The following CDH18 variants were observed in gnomAD, a reference collection of about 807,000 sequenced individuals.
The protein encoded by CDH18 is cadherin 18.
Under a neutral mutation model 67.9 loss-of-function variants are expected in CDH18, and 31 were observed. The ratio of observed to expected loss-of-function variants is 0.46; its 90% CI spans 0.34 to 0.62. CDH18 has a LOEUF of 0.62. Ranked by LOEUF, CDH18 falls within the 20% of genes least tolerant of loss-of-function variation. The pLI, the probability that CDH18 is intolerant of heterozygous loss-of-function variation, is 0.01. For synonymous variants in CDH18, 362 were observed against 347.2 expected, an observed-to-expected ratio of 1.04 and a Z score of -0.48; for missense variants, 890 against 975.5, an observed-to-expected ratio of 0.91 and a Z score of 1.17.
At chr5:20,229,371 C>G (rs917494732) in intron 2 of CDH18, among the ~76,000 whole-genome samples, 1 of 151,906 alleles carries the variant, frequency 6.6e-6, no homozygotes, top group Non-Finnish European at 1.5e-5. Context: ...ATTCTACATC[C>G]CCAAACAAAG....
chr5:19,810,700 T>C (rs1196074139), intron 3 of CDH18, among the ~76,000 whole-genome samples: 5 of 152,096 alleles, frequency 3.3e-5, no homozygotes, highest in Non-Finnish European at 7.4e-5. Flanking sequence ...TGATATTAGA[T>C]TGCCTTGGGC....
chr5:19,576,132 C>T (rs902850102), intron 7 of CDH18, among the ~76,000 whole-genome samples: 5 of 151,848 alleles, frequency 3.3e-5, no homozygotes, highest in Non-Finnish European at 7.4e-5. Context: ...AGACCTAAAA[C>T]GATAAATCTA....
intron 2 of CDH18, among the ~76,000 whole-genome samples, chr5:19,938,906 A>G (rs1221530094): frequency 6.6e-6 from 1 of 151,282 alleles, no homozygotes; most frequent in Non-Finnish European, 1.5e-5. Context: ...ATAGACAAAG[A>G]AATGTTCCAA....
intron 5 of CDH18, among the ~76,000 whole-genome samples, chr5:19,667,903 A>G (rs1238205472): frequency 6.6e-6 from 1 of 151,882 alleles, no homozygotes; most frequent in Non-Finnish European, 1.5e-5. Context: ...TGCTAGAGGG[A>G]TATTTTAGTT....
chr5:19,722,218 T>C (rs977511127), intron 4 of CDH18, among the ~76,000 whole-genome samples: 32 of 152,008 alleles, frequency 2.1e-4, no homozygotes, highest in African/African-American at 7.5e-4. Context: ...CATGCCCAGA[T>C]AATTTTTGTA....
At chr5:19,939,412 A>G (rs1025695257) in intron 2 of CDH18, among the ~76,000 whole-genome samples, 1 of 151,694 alleles carries the variant, frequency 6.6e-6, no homozygotes, top group Admixed American at 6.6e-5. Flanking sequence ...GCCTTTTATT[A>G]TATACTTATT....
intron 1 of CDH18, among the ~76,000 whole-genome samples, chr5:20,439,152 A>G (rs1424520857): frequency 9.3e-6 from 1 of 107,416 alleles, no homozygotes; most frequent in Non-Finnish European, 2.3e-5. Flanking sequence ...AGGTGAGATG[A>G]TATTTTTGGA....
intron 1 of CDH18, among the ~76,000 whole-genome samples, chr5:20,566,357 T>G (rs1398956310): frequency 7.3e-6 from 1 of 137,058 alleles, no homozygotes; most frequent in Admixed American, 7.1e-5. Flanking sequence ...TTTTTTTCTT[T>G]TTCTTTTTTT....
chr5:20,483,487 T>C (rs4558993), intron 1 of CDH18, among the ~76,000 whole-genome samples: 142,092 of 152,036 alleles, frequency 0.93, 66,658 homozygotes, highest in South Asian at 0.98. Context: ...ATGAACAAAA[T>C]TGGAAGAATC....
At chr5:20,068,972 T>C in intron 2 of CDH18, among the ~76,000 whole-genome samples, 1 of 152,192 alleles carries the variant, frequency 6.6e-6, no homozygotes, top group African/African-American at 2.4e-5. Context: ...GACGTCACGC[T>C]GAAATTTTTT....
chr5:19,655,865 A>AT (rs1756292856), intron 5 of CDH18, among the ~76,000 whole-genome samples: 1 of 152,062 alleles, frequency 6.6e-6, no homozygotes. Context: ...TCAGCAATAA[A>AT]TTTTACAGGA....
At chr5:19,820,798 T>C (rs1779792847) in intron 3 of CDH18, among the ~76,000 whole-genome samples, 1 of 152,068 alleles carries the variant, frequency 6.6e-6, no homozygotes, top group East Asian at 1.9e-4. Flanking sequence ...GGATCACCTG[T>C]GAAACCCAAG....
intron 1 of CDH18, among the ~76,000 whole-genome samples, chr5:20,318,077 G>A (rs1434203193): frequency 3.9e-5 from 6 of 152,094 alleles, no homozygotes; most frequent in Admixed American, 3.3e-4. Flanking sequence ...GAGCATGGAG[G>A]TGCTATTATG....
At chr5:20,398,239 T>G (rs1042646096) in intron 1 of CDH18, among the ~76,000 whole-genome samples, 3 of 152,208 alleles carry the variant, frequency 2.0e-5, no homozygotes, top group African/African-American at 7.2e-5. Flanking sequence ...CTCAAAATGT[T>G]ATAGTCACTG....
chr5:20,566,271 G>T (rs954726499), intron 1 of CDH18, among the ~76,000 whole-genome samples: 2 of 151,950 alleles, frequency 1.3e-5, no homozygotes, highest in South Asian at 4.1e-4. Flanking sequence ...TGACAAGAGA[G>T]ACTCAGTTGT....
chr5:20,150,635 T>C (rs1751023454), intron 2 of CDH18, among the ~76,000 whole-genome samples: 1 of 152,062 alleles, frequency 6.6e-6, no homozygotes, highest in African/African-American at 2.4e-5. Context: ...CTATATTTTT[T>C]AAGTTTTATA....
At chr5:19,678,246 C>CAA (rs397736814) in intron 5 of CDH18, among the ~76,000 whole-genome samples, 4,323 of 141,914 alleles carry the variant, frequency 0.03, 110 homozygotes, top group Middle Eastern at 0.054. Flanking sequence ...CTCAGCAAAT[C>CAA]AAAAAAAAAA....
At chr5:20,141,239 T>C (rs1360450531) in intron 2 of CDH18, among the ~76,000 whole-genome samples, 1 of 152,176 alleles carries the variant, frequency 6.6e-6, no homozygotes, top group Non-Finnish European at 1.5e-5. Context: ...ATCTAAAAGA[T>C]ATCTTGATAA....
intron 1 of CDH18, among the ~76,000 whole-genome samples, chr5:20,283,216 C>T (rs954701866): frequency 3.9e-5 from 6 of 152,050 alleles, no homozygotes; most frequent in Non-Finnish European, 8.8e-5. Context: ...TTGAGTAACA[C>T]TTCACAAGCC....
Sources: gnomAD v4.1 joint callset for allele counts (sites outside exome capture counted in the v4.1 genomes callset) on GRCh38, gnomAD v4.1.1 for gene constraint, MANE v1.5 for transcripts, NCBI Gene and HGNC (gene_info 2026-07-23, HGNC 2026-07-21) for gene names.